HIF1A: variants seen among roughly 807,000 people sequenced by gnomAD.
HIF1A encodes the protein hypoxia inducible factor 1 subunit alpha, also known as hypoxia-inducible factor 1-alpha.
In HIF1A, 24 loss-of-function variants were observed where a neutral mutation model predicts 92.7. That is an observed-to-expected ratio of 0.26 (90% CI 0.19 to 0.36). HIF1A has a LOEUF of 0.36. Ranked by LOEUF, HIF1A falls within the 10% of genes least tolerant of loss-of-function variation. The pLI is 1.00. For synonymous variants in HIF1A, 319 were observed against 338.7 expected (o/e 0.94, Z 0.64); for missense variants, 799 against 998.5 (o/e 0.80, Z 2.69).
Position 61,747,160 on chromosome 14 carries a change from C to A in HIF1A, c.*75C>A. 1 of 1,327,738 alleles carries A rather than the reference C, an allele frequency of 7.5e-7. No individual in the cohort carries two copies. The highest frequency in any genetic ancestry group is 1.0e-6 in the Non-Finnish European group (1 of 972,322). The allele number at this position is 1,327,738 out of a possible 1,614,324, so 82.2% of individuals were successfully genotyped here. Reference sequence around the variant, plus strand: ...TAAAGCAGTCTATTTATATTTTCTACATCTAATTTTAGAAGCCTGGCTACA... The same window carrying A: ...TAAAGCAGTCTATTTATATTTTCTAAATCTAATTTTAGAAGCCTGGCTACA... On this transcript the variant is annotated 3_prime_UTR_variant, in exon 15 of 15. Coordinates refer to ENST00000337138, the MANE Select transcript of HIF1A (RefSeq NM_001530.4).
intron 1 of HIF1A, chr14:61,697,823 C>A: frequency 6.7e-7 from 1 of 1,493,160 alleles, no homozygotes; most frequent in Admixed American, 2.5e-5. Flanking sequence ...CGGAGATTTT[C>A]TTCAAGCAAT....
At chr14:61,736,752 T>C (rs899892384) in intron 8 of HIF1A, 137 bp from the exon 9 acceptor site, 1 of 628,002 alleles carries the variant, frequency 1.6e-6, no homozygotes, top group Non-Finnish European at 2.8e-6. Context: ...TACGCATGAG[T>C]GATCATGCAT....
Position 61,741,056 on chromosome 14 carries a change from C to T in HIF1A, c.1961C>T (p.Ala654Val), listed in dbSNP as rs2044704486. ...CACATACATAAAGAAACTACTAGTG[C>T]CACATCATCACCATATAGAGATACT... ...PTHIHKETTS[A>V]TSSPYRDTQS... The change falls in exon 12 of 15, where the codon GCC becomes GTC. Residue 654 changes from alanine (A) to valine (V), a missense_variant. Physicochemically the swap from Ala to Val is moderately conservative, Grantham distance 64. Coordinates refer to ENST00000337138, the MANE Select transcript of HIF1A (RefSeq NM_001530.4). The T allele has an allele frequency of 2.5e-6, 4 of 1,613,842 alleles. No individual in the cohort carries two copies. Among genetic ancestry groups the T allele is most frequent in the Non-Finnish European group, 3.4e-6 (4 of 1,179,712 alleles).
intron 1 of HIF1A, among the ~76,000 whole-genome samples, chr14:61,696,137 G>T (rs900459397): frequency 6.6e-6 from 1 of 152,214 alleles, no homozygotes; most frequent in African/African-American, 2.4e-5. Flanking sequence ...CCACCTACCC[G>T]CCTCAAAAAC....
intron 12 of HIF1A, among the ~76,000 whole-genome samples, chr14:61,741,835 C>G (rs891797339): frequency 6.6e-6 from 1 of 152,148 alleles, no homozygotes; most frequent in Admixed American, 6.5e-5. Flanking sequence ...ACCCTCACTA[C>G]TTAGATGCTT....
chr14:61,702,010 G>C (rs974526467), intron 1 of HIF1A, among the ~76,000 whole-genome samples: 8 of 151,914 alleles, frequency 5.3e-5, no homozygotes, highest in African/African-American at 1.9e-4. Context: ...AAAGAAATCT[G>C]TGGTGTGAAT....
chr14:61,712,175 G>A (rs1486837953), intron 1 of HIF1A, among the ~76,000 whole-genome samples: 1 of 152,148 alleles, frequency 6.6e-6, no homozygotes, highest in Non-Finnish European at 1.5e-5. Context: ...GTGAGACTGC[G>A]ACAAAGACTT....
At chr14:61,718,700 G>T (rs1036334456) in intron 1 of HIF1A, among the ~76,000 whole-genome samples, 12 of 151,898 alleles carry the variant, frequency 7.9e-5, no homozygotes, top group Admixed American at 3.3e-4. Flanking sequence ...TTTTTTTATT[G>T]TACAGCATTG....
chr14:61,740,352 A>G (rs2044694875), intron 10 of HIF1A, 153 bp from the exon 11 acceptor site: 2 of 558,380 alleles, frequency 3.6e-6, no homozygotes, highest in Non-Finnish European at 6.2e-6. Flanking sequence ...GGCGTGAGCC[A>G]CTGAGCCCGG....
intron 8 of HIF1A, among the ~76,000 whole-genome samples, chr14:61,735,831 G>C (rs1446832784): frequency 6.6e-6 from 1 of 152,094 alleles, no homozygotes; most frequent in Non-Finnish European, 1.5e-5. Context: ...ACTATCCTTA[G>C]ATCATGCCTC....
At chr14:61,721,888 A>T in intron 4 of HIF1A, 65 bp downstream of exon 4, 1 of 1,148,614 alleles carries the variant, frequency 8.7e-7, no homozygotes, top group Non-Finnish European at 1.3e-6. Context: ...TACTATTGCT[A>T]ATTATTAAAC....
chr14:61,738,750 G>GTGTTT (rs563059775), intron 10 of HIF1A, among the ~76,000 whole-genome samples: 45 of 152,162 alleles, frequency 3.0e-4, no homozygotes, highest in Admixed American at 1.4e-3. Flanking sequence ...TTGTTTTATT[G>GTGTTT]TGTTTTGTTT....
intron 1 of HIF1A, among the ~76,000 whole-genome samples, chr14:61,702,486 C>A (rs2140118579): frequency 1.1e-5 from 1 of 91,374 alleles, no homozygotes; most frequent in East Asian, 4.1e-4. Flanking sequence ...TTCTTTAGTT[C>A]CCTGTCTGAG....
chr14:61,727,593 A>T lies in HIF1A; in HGVS notation c.711A>T (p.Leu237Phe), dbSNP rs900640749. 3 of 1,613,772 alleles carry T rather than the reference A, an allele frequency of 1.9e-6. No homozygotes were observed. The African/African-American group carries it at 4.0e-5, about 22-fold the overall frequency. The part of the protein sequence containing the change: ...IPHPSNIEIP[L>F]DSKTFLSRHS... The stretch of plus-strand genomic sequence containing the variant: ...ACCCATCAAATATTGAAATTCCTTT[A>T]GATAGCAAGACTTTCCTCAGTCGAC... Residue 237 changes from leucine (L) to phenylalanine (F), a missense_variant, in exon 6 of 15, where the codon TTA becomes TTT. Physicochemically the swap from Leu to Phe is conservative, Grantham distance 22. This residue lies in a region of HIF1A where 516 missense variants were observed against 721.0 expected (regional missense o/e 0.72). Transcript: ENST00000337138.
chr14:61,705,040 C>A lies in HIF1A; in HGVS notation c.35+9201C>A, dbSNP rs191112352. Among the ~76,000 whole-genome samples, 53 of 152,230 alleles carry A rather than the reference C, an allele frequency of 3.5e-4. No individual in the cohort carries two copies. The East Asian group carries it at 6.0e-3, about 17-fold the overall frequency. On this transcript the variant is annotated intron_variant, in intron 1 of 14. Transcript: ENST00000337138. ...TCTGCTTTTAGAATTTTCAGACATA[C>A]ATACACAAAACATTCTCACAAGACA...
At chr14:61,702,623 GATT>G (rs1419553191) in intron 1 of HIF1A, among the ~76,000 whole-genome samples, 1 of 152,028 alleles carries the variant, frequency 6.6e-6, no homozygotes, top group Non-Finnish European at 1.5e-5. Context: ...GAAGAGCATT[GATT>G]ATTCTCTTTG....
chr14:61,746,034 G>T (rs1336330427), intron 14 of HIF1A, among the ~76,000 whole-genome samples: 1 of 151,988 alleles, frequency 6.6e-6, no homozygotes, highest in Non-Finnish European at 1.5e-5. Flanking sequence ...GACCAGCCTG[G>T]CCACCATGGT....
intron 4 of HIF1A, 87 bp downstream of exon 4, chr14:61,721,910 A>T (rs2044435169): frequency 2.2e-6 from 2 of 891,298 alleles, no homozygotes; most frequent in South Asian, 3.0e-5. Flanking sequence ...TTGCTATTGT[A>T]CTTACCCAAG....
chr14:61,738,465 C>A, intron 10 of HIF1A, 92 bp downstream of exon 10: 1 of 1,108,514 alleles, frequency 9.0e-7, no homozygotes, highest in Non-Finnish European at 1.3e-6. Flanking sequence ...CTTATTTGAA[C>A]CACAAATTAC....
Sources: allele counts gnomAD v4.1 joint callset (sites outside exome capture counted in the v4.1 genomes callset), GRCh38; gene constraint gnomAD v4.1.1; regional missense constraint gnomAD v4.1.1; transcripts MANE v1.5; gene names NCBI Gene and HGNC (gene_info 2026-07-23, HGNC 2026-07-21).